The following C8B variants were observed in gnomAD, a reference collection of about 807,000 sequenced individuals.
The protein encoded by C8B is complement component C8 beta chain.
A neutral mutation model predicts 64.6 loss-of-function variants in C8B; 67 were observed. The observed-to-expected ratio is 1.04, with a 90% CI of 0.85 to 1.27. The LOEUF is 1.27. Ranked by LOEUF, C8B falls within the 50% of genes most tolerant of loss-of-function variation. C8B has a pLI of 0.00. For synonymous variants in C8B, 284 were observed against 257.7 expected (o/e 1.10, Z -0.98); for missense variants, 790 against 725.2 (o/e 1.09, Z -1.03).
chr1:56,932,594 C>T (rs856849), intron 10 of C8B, among the ~76,000 whole-genome samples: 5,631 of 152,236 alleles, frequency 0.037, 382 homozygotes, highest in African/African-American at 0.13. Flanking sequence ...GGTCCTTGTG[C>T]TGATAGCAGA....
rs202139453 is a variant in C8B at position 56,929,394 on chromosome 1, G to A, written c.*10C>T. The A allele has an allele frequency of 2.9e-3, 4,683 of 1,611,970 alleles. 10 individuals are homozygous for A. Among genetic ancestry groups the A allele is most frequent in the Middle Eastern group, 0.014 (62 of 4,464 alleles). ...CTCTCATTGTATGTAGCCCACTGCT[G>A]TATCATCTGCTAGGAGCAGTCAAGT... On this transcript the variant is annotated 3_prime_UTR_variant, in exon 12 of 12. Transcript: ENST00000371237.
intron 11 of C8B, among the ~76,000 whole-genome samples, chr1:56,930,587 G>A (rs765593362): frequency 6.6e-6 from 1 of 152,120 alleles, no homozygotes; most frequent in African/African-American, 2.4e-5. Flanking sequence ...GAACATAAGA[G>A]TGCAGGCAGG....
chr1:56,945,215 G>T (rs910573404), intron 7 of C8B, among the ~76,000 whole-genome samples: 6 of 152,114 alleles, frequency 3.9e-5, no homozygotes, highest in African/African-American at 1.4e-4. Flanking sequence ...GTGAAGGTCT[G>T]GTCATGGGGT....
chr1:56,958,654 C>T (rs752780763), intron 2 of C8B, among the ~76,000 whole-genome samples: 29 of 152,278 alleles, frequency 1.9e-4, no homozygotes, highest in South Asian at 6.2e-4. Flanking sequence ...GCTGAGGGAA[C>T]GTCTGCGGCA....
At chr1:56,957,218 C>T (rs1030036830) in intron 2 of C8B, among the ~76,000 whole-genome samples, 15 of 152,136 alleles carry the variant, frequency 9.9e-5, no homozygotes, top group Admixed American at 5.9e-4. Context: ...AAAGTCAGCC[C>T]ATGCTGACTC....
chr1:56,960,493 G>C (rs191714465), intron 1 of C8B, among the ~76,000 whole-genome samples: 6 of 152,176 alleles, frequency 3.9e-5, no homozygotes, highest in Admixed American at 6.5e-5. Context: ...CATGCCTCAC[G>C]CCCTAGCTCT....
intron 11 of C8B, among the ~76,000 whole-genome samples, chr1:56,931,358 A>C (rs979246264): frequency 6.6e-6 from 1 of 152,214 alleles, no homozygotes; most frequent in Non-Finnish European, 1.5e-5. Context: ...TAGATACATC[A>C]ACCCAAAATA....
intron 10 of C8B, among the ~76,000 whole-genome samples, chr1:56,933,009 A>G (rs771190077): frequency 1.6e-4 from 24 of 151,856 alleles, no homozygotes; most frequent in Non-Finnish European, 3.4e-4. Context: ...GCTACCCCCA[A>G]ATCTTCTTAT....
In C8B at chr1:56,934,870, C is replaced by T. The variant is rs529263667; in HGVS notation, c.1399-1382G>A. The stretch of plus-strand genomic sequence containing the variant: ...AGCTCCTCCAACATCTGATTTTGCT[C>T]CCAAAGCACCTTGAAAGGCTGCCAT... On this transcript the variant is annotated intron_variant, in intron 9 of 11. Transcript: ENST00000371237. Among the ~76,000 whole-genome samples, 7 of 152,270 alleles carry T rather than the reference C, an allele frequency of 4.6e-5. No individual in the cohort carries two copies. The South Asian group carries it at 6.2e-4, about 14-fold the overall frequency.
rs1395334157 is a variant in C8B, at chr1:56,952,168, G to A, written c.546C>T (p.Phe182=). 1.9e-6 allele frequency: 3 copies of A among 1,614,042 alleles called. No individual in the cohort carries two copies. The Admixed American group carries it at 5.0e-5, about 27-fold the overall frequency. ...GAACTGGGCCCTCAAAACTGTTTGT[G>A]AACAAATTTATCCTGTGAGGAAGAG... The part of the protein sequence containing the change: ...IGSLASGINL[F]TNSFEGPVLD... Residue 182 remains phenylalanine, a synonymous_variant, in exon 5 of 12, where the codon TTC becomes TTT. Transcript: ENST00000371237.
At chr1:56,941,484 GTAGATAATAGTAGATAGATAGATACA>G (rs1644854725) in intron 8 of C8B, among the ~76,000 whole-genome samples, 4 of 149,268 alleles carry the variant, frequency 2.7e-5, no homozygotes, top group African/African-American at 7.5e-5. Flanking sequence ...ATAGATAATA[GTAGATAATAGTAGATAGATAGATACA>G]TAGATAGATA....
At chr1:56,946,523 A>G (rs547728891) in intron 6 of C8B, among the ~76,000 whole-genome samples, 1 of 152,322 alleles carries the variant, frequency 6.6e-6, no homozygotes, top group African/African-American at 2.4e-5. Flanking sequence ...CCTCATACCA[A>G]ACTCAGTACC....
At chr1:56,939,795 G>A (rs1375738696) in intron 9 of C8B, among the ~76,000 whole-genome samples, 1 of 152,212 alleles carries the variant, frequency 6.6e-6, no homozygotes, top group African/African-American at 2.4e-5. Context: ...GAACCGAATA[G>A]ACTCTTGAGC....
At chr1:56,962,229 C>A (rs1645189645) in intron 1 of C8B, among the ~76,000 whole-genome samples, 5 of 152,168 alleles carry the variant, frequency 3.3e-5, no homozygotes, top group Admixed American at 3.3e-4. Flanking sequence ...GTAGTTATAT[C>A]CACCACATCT....
chr1:56,956,996 C>T (rs1188378423), intron 2 of C8B, 86 bp from the exon 3 acceptor site: 1 of 1,500,286 alleles, frequency 6.7e-7, no homozygotes, highest in East Asian at 2.3e-5. Context: ...GGGTCTTGAG[C>T]CAGGATTTGG....
rs1406075321 is a variant in C8B at position 56,965,911 on chromosome 1, A to C, written c.38T>G (p.Val13Gly). 4 of 1,613,844 alleles carry C rather than the reference A, an allele frequency of 2.5e-6. No individual in the cohort carries two copies. The change falls in exon 1 of 12, where the codon GTG (valine) becomes GGG (glycine). Residue 13 changes from valine (V) to glycine (G), a missense_variant. By Grantham distance (109) the Val-to-Gly change is moderately radical (BLOSUM62 -3). Coordinates refer to ENST00000371237, the MANE Select transcript of C8B (RefSeq NM_000066.4). ...GGCAGCACAGAGAAGAAATAGCTCC[A>C]CCGGCGCCCTCCAAGCCCATGTCCT... ...NSRTWAWRAP[V>G]ELFLLCAALG...
chr1:56,932,590 T>C (rs1228519794), intron 10 of C8B, among the ~76,000 whole-genome samples: 1 of 152,184 alleles, frequency 6.6e-6, no homozygotes, highest in East Asian at 1.9e-4. Flanking sequence ...TAGGGGTCCT[T>C]GTGCTGATAG....
intron 2 of C8B, among the ~76,000 whole-genome samples, chr1:56,957,933 A>C (rs1645125508): frequency 6.6e-6 from 1 of 152,196 alleles, no homozygotes; most frequent in Admixed American, 6.5e-5. Context: ...ATGGCTGAGT[A>C]GGAATGTCTG....
intron 8 of C8B, 132 bp downstream of exon 8, chr1:56,943,564 A>G (rs1644896092): frequency 9.3e-7 from 1 of 1,074,254 alleles, no homozygotes; most frequent in African/African-American, 1.5e-5. Context: ...AACTATAAAA[A>G]ACAGAAGGAC....
Sources: allele counts gnomAD v4.1 joint callset (sites outside exome capture counted in the v4.1 genomes callset), GRCh38; gene constraint gnomAD v4.1.1; transcripts MANE v1.5; gene names NCBI Gene and HGNC (gene_info 2026-07-23, HGNC 2026-07-21).